CMIP: variants seen among roughly 807,000 people sequenced by gnomAD.
CMIP encodes C-Maf-inducing protein.
Under a neutral mutation model 97.3 loss-of-function variants are expected in CMIP, and 13 were observed. That is an observed-to-expected ratio of 0.13 (90% CI 0.09 to 0.21). The LOEUF is 0.21. CMIP is among the 10% of genes least tolerant of loss of function. CMIP has a pLI of 1.00. For missense variants in CMIP, 847 were observed against 1,024.9 expected (o/e 0.83, Z 2.37); for synonymous variants, 538 against 436.3 (o/e 1.23, Z -2.91).
At chr16:81,525,152 A>AT (rs2090106050) in intron 1 of CMIP, among the ~76,000 whole-genome samples, 1 of 142,202 alleles carries the variant, frequency 7.0e-6, no homozygotes. Flanking sequence ...TTATTTGTTT[A>AT]TTTTTTCTTG....
chr16:81,703,548 CACAT>C (rs1035381321), intron 17 of CMIP, among the ~76,000 whole-genome samples: 4 of 151,996 alleles, frequency 2.6e-5, no homozygotes, highest in Non-Finnish European at 4.4e-5. Flanking sequence ...CATGTACAGA[CACAT>C]GCATACACAA....
At chr16:81,572,215 G>C (rs2091104595) in intron 1 of CMIP, among the ~76,000 whole-genome samples, 1 of 152,238 alleles carries the variant, frequency 6.6e-6, no homozygotes, top group Non-Finnish European at 1.5e-5. Context: ...GGTGATTTCT[G>C]GCAACTGCCT....
At chr16:81,474,639 T>G (rs80154255) in intron 1 of CMIP, among the ~76,000 whole-genome samples, 9,180 of 152,286 alleles carry the variant, frequency 0.06, 288 homozygotes, top group South Asian at 0.11. Context: ...ACCGCACTTC[T>G]GTGGAAGGGG....
intron 3 of CMIP, among the ~76,000 whole-genome samples, chr16:81,642,304 T>TC (rs758173915): frequency 6.6e-6 from 1 of 152,046 alleles, no homozygotes. Context: ...CTGTATCATT[T>TC]CCCCCACTCC....
chr16:81,672,952 C>T (rs1327339596), intron 9 of CMIP, among the ~76,000 whole-genome samples: 1 of 152,202 alleles, frequency 6.6e-6, no homozygotes, highest in Admixed American at 6.5e-5. Context: ...TCCCTGCTCT[C>T]TTGGGGCTTC....
intron 1 of CMIP, among the ~76,000 whole-genome samples, chr16:81,490,516 C>T (rs971139734): frequency 1.3e-5 from 2 of 152,052 alleles, no homozygotes; most frequent in Admixed American, 6.6e-5. Flanking sequence ...GCTACTCGGG[C>T]GGCTGAGGCA....
chr16:81,610,667 C>T (rs997764188), intron 2 of CMIP: 5 of 336,384 alleles, frequency 1.5e-5, no homozygotes, highest in East Asian at 1.7e-4. Context: ...CTCTGCCCAC[C>T]GTGATGCATG....
intron 1 of CMIP, among the ~76,000 whole-genome samples, chr16:81,513,067 C>G (rs968421447): frequency 6.6e-6 from 1 of 152,212 alleles, no homozygotes; most frequent in Non-Finnish European, 1.5e-5. Flanking sequence ...CTTGCAGTTA[C>G]TATTCTTTTG....
intron 3 of CMIP, among the ~76,000 whole-genome samples, chr16:81,629,375 G>A (rs1031051561): frequency 1.3e-5 from 2 of 151,982 alleles, no homozygotes; most frequent in Admixed American, 6.6e-5. Flanking sequence ...AGGTTTGGAA[G>A]CCCAGATCTG....
At chr16:81,460,611 T>G (rs1220497206) in intron 1 of CMIP, among the ~76,000 whole-genome samples, 3 of 152,170 alleles carry the variant, frequency 2.0e-5, no homozygotes, top group Non-Finnish European at 4.4e-5. Flanking sequence ...TGCCCATGCC[T>G]TAATATATTG....
chr16:81,548,502 T>C (rs569270901), intron 1 of CMIP, among the ~76,000 whole-genome samples: 71 of 152,008 alleles, frequency 4.7e-4, no homozygotes, highest in African/African-American at 1.7e-3. Context: ...TGGCCTCCAC[T>C]CACTAGATGC....
At chr16:81,603,496 T>A (rs1381373966) in intron 1 of CMIP, 1 of 453,868 alleles carries the variant, frequency 2.2e-6, no homozygotes, top group Non-Finnish European at 4.4e-6. Context: ...CAGCTGCTAG[T>A]ATCTTAGTCT....
At chr16:81,638,397 C>G (rs1214871529) in intron 3 of CMIP, among the ~76,000 whole-genome samples, 1 of 152,172 alleles carries the variant, frequency 6.6e-6, no homozygotes, top group Non-Finnish European at 1.5e-5. Flanking sequence ...CATCTTGACA[C>G]AGGAATGAGC....
intron 4 of CMIP, among the ~76,000 whole-genome samples, chr16:81,654,333 A>G (rs1230656717): frequency 6.6e-6 from 1 of 152,028 alleles, no homozygotes; most frequent in East Asian, 1.9e-4. Flanking sequence ...TGGCCTCCCA[A>G]AGTGCTGGGA....
chr16:81,574,199 G>A (rs2091148300), intron 1 of CMIP, among the ~76,000 whole-genome samples: 1 of 152,236 alleles, frequency 6.6e-6, no homozygotes, highest in South Asian at 2.1e-4. Flanking sequence ...AGGGATGCCT[G>A]GCTGAGGGCC....
chr16:81,590,480 C>G (rs141172934), intron 1 of CMIP, among the ~76,000 whole-genome samples: 2 of 152,322 alleles, frequency 1.3e-5, no homozygotes, highest in Admixed American at 6.5e-5. Flanking sequence ...CCTCGCTTCC[C>G]CAAGTGGATG....
intron 1 of CMIP, among the ~76,000 whole-genome samples, chr16:81,522,464 T>A (rs2090047069): frequency 6.6e-6 from 1 of 152,224 alleles, no homozygotes; most frequent in Non-Finnish European, 1.5e-5. Flanking sequence ...GGGCCTGGAT[T>A]TTTGTTAGAA....
intron 1 of CMIP, among the ~76,000 whole-genome samples, chr16:81,458,500 C>T (rs1906699478): frequency 6.6e-6 from 1 of 152,180 alleles, no homozygotes; most frequent in South Asian, 2.1e-4. Flanking sequence ...CCACTGGCCT[C>T]CACTGGGTGC....
At chr16:81,561,375 A>T (rs2150873038) in intron 1 of CMIP, among the ~76,000 whole-genome samples, 1 of 152,364 alleles carries the variant, frequency 6.6e-6, no homozygotes, top group East Asian at 1.9e-4. Context: ...AACATTGAAC[A>T]GAGCTGTGAA....
Sources: allele counts gnomAD v4.1 joint callset (sites outside exome capture counted in the v4.1 genomes callset), GRCh38; gene constraint gnomAD v4.1.1; transcripts MANE v1.5; gene names NCBI Gene and HGNC (gene_info 2026-07-23, HGNC 2026-07-21).